Variants in EBF3 observed in about 807,000 individuals in gnomAD.
EBF3 encodes EBF transcription factor 3.
A neutral mutation model predicts 77.1 loss-of-function variants in EBF3; 18 were observed. The ratio of observed to expected loss-of-function variants is 0.23; its 90% CI spans 0.16 to 0.35. EBF3 has a LOEUF of 0.35. Ranked by LOEUF, EBF3 falls within the 10% of genes least tolerant of loss-of-function variation. EBF3 has a pLI of 1.00. For synonymous variants in EBF3, 350 were observed against 343.5 expected (o/e 1.02, Z -0.21); for missense variants, 558 against 860.0 (o/e 0.65, Z 4.39).
At chr10:129,854,527 G>T (rs1488723065) in intron 10 of EBF3, among the ~76,000 whole-genome samples, 1 of 152,102 alleles carries the variant, frequency 6.6e-6, no homozygotes, top group Non-Finnish European at 1.5e-5. Context: ...CTGCCTTCCT[G>T]ATACGACGTG....
At chr10:129,902,146 CCA>C (rs1215611938) in intron 6 of EBF3, among the ~76,000 whole-genome samples, 1 of 152,026 alleles carries the variant, frequency 6.6e-6, no homozygotes, top group African/African-American at 2.4e-5. Flanking sequence ...TCATCTAGCG[CCA>C]CACTTAGTTC....
At chr10:129,887,399 T>G (rs1853685907) in intron 6 of EBF3, among the ~76,000 whole-genome samples, 1 of 152,172 alleles carries the variant, frequency 6.6e-6, no homozygotes, top group Non-Finnish European at 1.5e-5. Context: ...TAAAGATACA[T>G]TAGTTCTCTC....
At chr10:129,929,429 C>A (rs1856865883) in intron 6 of EBF3, among the ~76,000 whole-genome samples, 1 of 152,248 alleles carries the variant, frequency 6.6e-6, no homozygotes, top group Non-Finnish European at 1.5e-5. Flanking sequence ...TGGTTTCAAA[C>A]TCCTGAGCTC....
In EBF3 at chr10:129,848,250, C is replaced by T. The variant is rs994907550; in HGVS notation, c.1128+142G>A. On this transcript the variant is annotated intron_variant, in intron 11 of 16. Transcript: ENST00000440978. The surrounding 1 kb of genome is among the most constrained non-coding windows in gnomAD (Gnocchi z 4.4). ...GGTCAGGTGCGGGCCCGGGCAGCTCCTCACACCTGTCGGCCCTGTGGTGGG... is the reference window on the plus strand; with the variant it reads ...GGTCAGGTGCGGGCCCGGGCAGCTCTTCACACCTGTCGGCCCTGTGGTGGG... 4.5e-6 allele frequency: 4 copies of T among 883,336 alleles called. No homozygotes were observed. The highest frequency in any genetic ancestry group is 3.3e-5 in the African/African-American group (2 of 60,850). The allele number at this position is 883,336 out of a possible 1,614,324, so 54.7% of individuals were successfully genotyped here.
At chr10:129,906,422 T>C (rs1855147593) in intron 6 of EBF3, among the ~76,000 whole-genome samples, 1 of 152,198 alleles carries the variant, frequency 6.6e-6, no homozygotes, top group African/African-American at 2.4e-5. Flanking sequence ...TCCTCTAACT[T>C]TGAATTTCCG....
intron 6 of EBF3, among the ~76,000 whole-genome samples, chr10:129,955,311 C>G (rs1231302697): frequency 6.6e-6 from 1 of 152,148 alleles, no homozygotes. Flanking sequence ...AGGAGCAGAG[C>G]AGATTTTTCA....
At chr10:129,867,419 C>T in intron 9 of EBF3, 152 bp from the exon 10 acceptor site, 1 of 1,286,246 alleles carries the variant, frequency 7.8e-7, no homozygotes, top group Non-Finnish European at 1.1e-6. Flanking sequence ...CCGGGACCTA[C>T]AGTGTTTTTT....
At chr10:129,956,122 A>G (rs1329226243) in intron 6 of EBF3, among the ~76,000 whole-genome samples, 1 of 152,180 alleles carries the variant, frequency 6.6e-6, no homozygotes. Flanking sequence ...AACATTCTCC[A>G]CTAAGCAAAC....
rs923790473 is a variant in EBF3 at position 129,938,259 on chromosome 10, G to A, written c.554+18999C>T. Among the ~76,000 whole-genome samples the A allele has an allele frequency of 6.6e-6, 1 of 151,976 alleles. No individual in the cohort carries two copies. The highest frequency in any genetic ancestry group is 1.5e-5 in the Non-Finnish European group (1 of 68,010). ...GGGTTTTTTTAAAGTTCATGGCGGG[G>A]CCGGGTGCAATGGCTCTCATCTATA... On this transcript the variant is annotated intron_variant, in intron 6 of 16. Coordinates refer to ENST00000440978, the MANE Select transcript of EBF3 (RefSeq NM_001375380.1). This position sits in a 1 kb window ranked among gnomAD's most constrained non-coding sequence, Gnocchi z 5.1.
chr10:129,905,805 C>T (rs533070223), intron 6 of EBF3, among the ~76,000 whole-genome samples: 26 of 152,224 alleles, frequency 1.7e-4, no homozygotes, highest in Non-Finnish European at 3.7e-4. Context: ...GCAACCTCCC[C>T]GCTGGAGGCT....
At chr10:129,928,156 G>A (rs1464472769) in intron 6 of EBF3, among the ~76,000 whole-genome samples, 1 of 152,212 alleles carries the variant, frequency 6.6e-6, no homozygotes, top group African/African-American at 2.4e-5. Flanking sequence ...GACTCAGGCA[G>A]AAACCTGACA....
intron 10 of EBF3, among the ~76,000 whole-genome samples, chr10:129,855,503 G>A (rs1010867492): frequency 1.3e-5 from 2 of 152,218 alleles, no homozygotes; most frequent in African/African-American, 4.8e-5. Flanking sequence ...ACTAAGGCAC[G>A]TGGCCTCCTC....
chr10:129,950,522 A>G (rs1264840451), intron 6 of EBF3, among the ~76,000 whole-genome samples: 1 of 152,202 alleles, frequency 6.6e-6, no homozygotes, highest in Non-Finnish European at 1.5e-5. Context: ...CTTTTGACAG[A>G]TATGTCTGAC....
chr10:129,849,589 C>T lies in EBF3; in HGVS notation c.1040-1109G>A, dbSNP rs143977569. On this transcript the variant is annotated intron_variant, in intron 10 of 16. Transcript: ENST00000440978. ...CTCCAAAATAATTGGTCACCGTTCTCGAGTGCTTGGGCGTCGGCGCATCTT... is the reference window on the plus strand; with the variant it reads ...CTCCAAAATAATTGGTCACCGTTCTTGAGTGCTTGGGCGTCGGCGCATCTT... Among the ~76,000 whole-genome samples, 231 of 152,302 alleles carry T rather than the reference C, an allele frequency of 1.5e-3. 1 individual carries two copies. Among genetic ancestry groups the T allele is most frequent in the Non-Finnish European group, 3.0e-3 (204 of 68,024 alleles).
chr10:129,895,930 A>G (rs1251511434), intron 6 of EBF3, among the ~76,000 whole-genome samples: 4 of 152,256 alleles, frequency 2.6e-5, no homozygotes, highest in African/African-American at 9.6e-5. Context: ...CAAGTCACAG[A>G]TGCGGCGTGT....
chr10:129,913,131 T>C (rs1429855943), intron 6 of EBF3, among the ~76,000 whole-genome samples: 1 of 152,252 alleles, frequency 6.6e-6, no homozygotes, highest in Non-Finnish European at 1.5e-5. Context: ...CATTTTTCTC[T>C]TGCCTGACAG....
chr10:129,841,967 T>C lies in EBF3; in HGVS notation c.1372+149A>G. The C allele has an allele frequency of 9.4e-7, 1 of 1,060,820 alleles. No homozygotes were observed. Among genetic ancestry groups the C allele is most frequent in the Non-Finnish European group, 1.3e-6 (1 of 748,134 alleles). 65.7% of individuals were successfully genotyped at this position (1,060,820 alleles called of 1,614,324 possible). A position where few individuals can be genotyped will look rare whatever the true frequency, so the allele number is the denominator to read the frequency against. On this transcript the variant is annotated intron_variant, in intron 13 of 16. Coordinates refer to ENST00000440978, the MANE Select transcript of EBF3 (RefSeq NM_001375380.1). This position sits in a 1 kb window ranked among gnomAD's most constrained non-coding sequence, Gnocchi z 4.6. ...GGCTGGGAGGACCTGCAGCAAGGTCTTCCTGAGCAAAGGAACCAGCAGAGC... is the reference window on the plus strand; with the variant it reads ...GGCTGGGAGGACCTGCAGCAAGGTCCTCCTGAGCAAAGGAACCAGCAGAGC...
intron 6 of EBF3, among the ~76,000 whole-genome samples, chr10:129,919,562 G>A (rs1203401907): frequency 1.3e-5 from 2 of 152,164 alleles, no homozygotes; most frequent in Non-Finnish European, 2.9e-5. Context: ...CTTAGGAGCA[G>A]ACTTAGAAAG....
intron 6 of EBF3, among the ~76,000 whole-genome samples, chr10:129,901,809 G>A (rs1165651496): frequency 1.3e-5 from 2 of 152,208 alleles, no homozygotes; most frequent in Non-Finnish European, 2.9e-5. Flanking sequence ...GTTGGGGTGG[G>A]CCTCGTGGCG....
Sources: gnomAD v4.1 joint callset for allele counts (sites outside exome capture counted in the v4.1 genomes callset) on GRCh38, gnomAD v4.1.1 for gene constraint, Gnocchi (gnomAD v3.1) non-coding constraint, MANE v1.5 for transcripts, NCBI Gene and HGNC (gene_info 2026-07-23, HGNC 2026-07-21) for gene names.